Variants in LPO observed in about 807,000 individuals in gnomAD.
LPO encodes salivary peroxidase.
In LPO, 70 loss-of-function variants were observed where a neutral mutation model predicts 68.4. The ratio of observed to expected loss-of-function variants is 1.02; its 90% CI spans 0.84 to 1.25. LPO has a LOEUF of 1.25. Ranked by LOEUF, LPO falls within the 50% of genes most tolerant of loss-of-function variation. The probability of loss-of-function intolerance (pLI) is 0.00; values close to 1 mark genes in which losing one functional copy is unlikely to be tolerated. For synonymous variants in LPO, 360 were observed against 357.6 expected (o/e 1.01, Z -0.08); for missense variants, 873 against 908.4 (o/e 0.96, Z 0.50).
chr17:58,249,466 C>T, intron 5 of LPO, 100 bp from the exon 6 acceptor site: 2 of 1,481,006 alleles, frequency 1.4e-6, no homozygotes, highest in East Asian at 4.7e-5. Flanking sequence ...TCTCTGCGTC[C>T]CCTCCGCCTC....
intron 5 of LPO, 119 bp downstream of exon 5, chr17:58,249,296 C>G (rs1969911280): frequency 3.1e-6 from 3 of 963,946 alleles, no homozygotes; most frequent in Admixed American, 2.5e-5. Flanking sequence ...CCTGGGCTGG[C>G]GTTCCCACCT....
intron 8 of LPO, 26 bp from the exon 9 acceptor site, chr17:58,254,785 T>C (rs745881548): frequency 6.2e-7 from 1 of 1,612,640 alleles, no homozygotes; most frequent in African/African-American, 1.3e-5. Flanking sequence ...AGGGAGAATC[T>C]ACCTTCCTGC....
chr17:58,267,787 G>A lies in LPO; in HGVS notation c.1932G>A (p.Arg644=). 6.2e-7 allele frequency: 1 copy of A among 1,613,960 alleles called. No individual in the cohort carries two copies. The highest frequency in any genetic ancestry group is 8.5e-7 in the Non-Finnish European group (1 of 1,179,860). Residue 644 remains arginine (R), a splice_region_variant and synonymous_variant, in exon 13 of 13, where the codon AGG becomes AGA. Transcript: ENST00000262290. ...KQFQQIRDGD[R]FWWENPGVFT... ...AGTGACTCTACTTCTGTCTCTGCAG[G>A]TTCTGGTGGGAAAACCCTGGGGTCT...
intron 9 of LPO, among the ~76,000 whole-genome samples, chr17:58,256,990 C>CTTTTTTTTTTTTTTTTTTT (rs1040765289): frequency 2.7e-5 from 2 of 75,044 alleles, no homozygotes; most frequent in Admixed American, 1.6e-4. Context: ...AGGTCTTACT[C>CTTTTTTTTTTTTTTTTTTT]TTTTTTTTTT....
chr17:58,253,046 A>AAAAT (rs1969994125), intron 8 of LPO, among the ~76,000 whole-genome samples: 1 of 148,920 alleles, frequency 6.7e-6, no homozygotes, highest in East Asian at 1.9e-4. Context: ...AAAAAAAAAA[A>AAAAT]AAGAAAGAAA....
At chr17:58,264,616 G>C in intron 9 of LPO, 106 bp from the exon 10 acceptor site, 1 of 1,186,784 alleles carries the variant, frequency 8.4e-7, no homozygotes, top group Non-Finnish European at 1.2e-6. Context: ...TGCCATCCTT[G>C]GTTTTCAACA....
chr17:58,257,165 CT>C (rs1234408803), intron 9 of LPO, among the ~76,000 whole-genome samples: 1 of 151,800 alleles, frequency 6.6e-6, no homozygotes, highest in African/African-American at 2.4e-5. Context: ...AACTCCTGAC[CT>C]TAAGCGGTCC....
rs948342341 is a variant in LPO, at chr17:58,262,553, A to T, written c.1267-2169A>T. Among the ~76,000 whole-genome samples the T allele has an allele frequency of 2.0e-5, 3 of 151,912 alleles. No homozygotes were observed. In the South Asian group the frequency reaches 6.2e-4, roughly 32 times the overall value. ...TACCGATGCTCACCACCACACCTGG[A>T]TAATTCTTTTTGTATTTTTAGTAGA... On this transcript the variant is annotated intron_variant, in intron 9 of 12. Transcript: ENST00000262290.
At chr17:58,266,795 C>T (rs1567824379) in intron 11 of LPO, among the ~76,000 whole-genome samples, 1 of 152,182 alleles carries the variant, frequency 6.6e-6, no homozygotes, top group Admixed American at 6.5e-5. Flanking sequence ...ATCTATGAAA[C>T]AGAATGTCCC....
Position 58,252,281 on chromosome 17 carries a change from C to G in LPO, c.880C>G (p.Arg294Gly), listed in dbSNP as rs756754192. The G allele has an allele frequency of 1.9e-6, 3 of 1,614,060 alleles. No homozygotes were observed. In the African/African-American group the frequency reaches 4.0e-5, roughly 22 times the overall value. Residue 294 changes from arginine to glycine, a missense_variant, in exon 8 of 13, where the codon CGA becomes GGA. Transcript: ENST00000262290. ...CACTCCACCCTACAAGTCCCTGGCCCGAGAGCAGATCAACGCTCTGACCTC... is the reference window on the plus strand; with the variant it reads ...CACTCCACCCTACAAGTCCCTGGCCGGAGAGCAGATCAACGCTCTGACCTC... Reference protein sequence around the residue: ...CPTPPYKSLAREQINALTSFL... With the variant: ...CPTPPYKSLAGEQINALTSFL...
At chr17:58,260,504 T>C (rs1970156747) in intron 9 of LPO, among the ~76,000 whole-genome samples, 1 of 152,248 alleles carries the variant, frequency 6.6e-6, no homozygotes, top group South Asian at 2.1e-4. Context: ...CACCATTAAG[T>C]ATAAGATTAG....
At chr17:58,242,514 G>A (rs1003978020) in intron 1 of LPO, among the ~76,000 whole-genome samples, 2 of 152,222 alleles carry the variant, frequency 1.3e-5, no homozygotes, top group Non-Finnish European at 2.9e-5. Context: ...GGGAAGGAGG[G>A]AGGGGAACTC....
Position 58,243,060 on chromosome 17 carries a change from G to T in LPO, c.76+5G>T, listed in dbSNP as rs199963737. 10 of 1,613,770 alleles carry T rather than the reference G, an allele frequency of 6.2e-6. No homozygotes were observed. The Admixed American group carries it at 1.5e-4, about 24-fold the overall frequency. ...CTGCAGCATCTACCACAAGAGGTGAGTGTCTCCCTTTACGGGTTTTCTGGG... is the reference window on the plus strand; with the variant it reads ...CTGCAGCATCTACCACAAGAGGTGATTGTCTCCCTTTACGGGTTTTCTGGG... On this transcript the variant is annotated splice_donor_5th_base_variant and intron_variant, in intron 2 of 12. Coordinates refer to ENST00000262290, the MANE Select transcript of LPO (RefSeq NM_006151.3).
Position 58,252,515 on chromosome 17 carries a change from A to T in LPO, c.1105+9A>T. On this transcript the variant is annotated intron_variant, in intron 8 of 12. Transcript: ENST00000262290. ...GCCCTGCTTCCTGGCAGGTGAGTCTAGCCTGGGAACAGAAGGGCCCAAGGA... is the reference window on the plus strand; with the variant it reads ...GCCCTGCTTCCTGGCAGGTGAGTCTTGCCTGGGAACAGAAGGGCCCAAGGA... 3.1e-6 allele frequency: 5 copies of T among 1,607,408 alleles called. No individual in the cohort carries two copies. Among genetic ancestry groups the T allele is most frequent in the Non-Finnish European group, 4.3e-6 (5 of 1,175,534 alleles).
chr17:58,266,311 G>A lies in LPO; in HGVS notation c.1678G>A (p.Asp560Asn). ...LAAINTQRCR[D>N]HGQPGYNSWR... Reference sequence around the variant, plus strand: ...TGCCATCAACACACAGCGTTGCCGGGACCATGGGCAACCTGGTGAGTGTCT... The same window carrying A: ...TGCCATCAACACACAGCGTTGCCGGAACCATGGGCAACCTGGTGAGTGTCT... Residue 560 changes from aspartate to asparagine, a missense_variant, in exon 11 of 13, where the codon GAC (aspartate) becomes AAC (asparagine). Transcript: ENST00000262290. 6.2e-7 allele frequency: 1 copy of A among 1,614,030 alleles called. No homozygotes were observed. The highest frequency in any genetic ancestry group is 8.5e-7 in the Non-Finnish European group (1 of 1,180,016).
intron 1 of LPO, among the ~76,000 whole-genome samples, chr17:58,240,179 T>C (rs1460807376): frequency 1.3e-5 from 2 of 152,116 alleles, no homozygotes; most frequent in African/African-American, 2.4e-5. Context: ...TTTTGAAGAA[T>C]GAATAGGAGT....
At chr17:58,249,744 G>C in intron 6 of LPO, 49 bp downstream of exon 6, 1 of 1,518,250 alleles carries the variant, frequency 6.6e-7, no homozygotes, top group Non-Finnish European at 8.8e-7. Context: ...GAGGGGACGG[G>C]ATGCACTACC....
intron 3 of LPO, among the ~76,000 whole-genome samples, chr17:58,245,356 G>A (rs1256771189): frequency 6.6e-6 from 1 of 152,054 alleles, no homozygotes; most frequent in Non-Finnish European, 1.5e-5. Flanking sequence ...TCCTCAAGGG[G>A]CCGGAAGCTC....
In LPO at chr17:58,266,048, C is replaced by T; in HGVS notation, c.1520-105C>T. 4.5e-6 allele frequency: 5 copies of T among 1,119,062 alleles called. No homozygotes were observed. In the South Asian group the frequency reaches 6.1e-5, roughly 14 times the overall value. The allele number at this position is 1,119,062 out of a possible 1,614,324, so 69.3% of individuals were successfully genotyped here. ...TCCAGCCTGGGATGTCCAGGTGACC[C>T]ACATTCAACTAAGAGAAAATGTCTG... On this transcript the variant is annotated intron_variant, in intron 10 of 12. Transcript: ENST00000262290.
Sources: gnomAD v4.1 joint callset for allele counts (sites outside exome capture counted in the v4.1 genomes callset) on GRCh38, gnomAD v4.1.1 for gene constraint, MANE v1.5 for transcripts, NCBI Gene and HGNC (gene_info 2026-07-23, HGNC 2026-07-21) for gene names.